FBXL20: variants seen among roughly 807,000 people sequenced by gnomAD.
FBXL20 encodes the protein F-box and leucine rich repeat protein 20.
In FBXL20, 11 loss-of-function variants were observed where a neutral mutation model predicts 64.0. That is an observed-to-expected ratio of 0.17 (90% confidence interval 0.11 to 0.28). The LOEUF (loss-of-function observed/expected upper bound fraction) is 0.28. FBXL20 is among the 10% of genes least tolerant of loss of function. The probability of loss-of-function intolerance (pLI) is 1.00; values close to 1 mark genes in which losing one functional copy is unlikely to be tolerated. For synonymous variants in FBXL20, 184 were observed against 189.0 expected (o/e 0.97, Z 0.22); for missense variants, 303 against 526.2 (o/e 0.58, Z 4.15).
At chr17:39,342,975 G>A (rs1460298270) in intron 2 of FBXL20, among the ~76,000 whole-genome samples, 1 of 152,064 alleles carries the variant, frequency 6.6e-6, no homozygotes, top group East Asian at 1.9e-4. Flanking sequence ...AGTACAAGTT[G>A]GAATGGAAAA....
chr17:39,336,470 T>C (rs2047522909), intron 2 of FBXL20, among the ~76,000 whole-genome samples: 1 of 152,174 alleles, frequency 6.6e-6, no homozygotes, highest in Admixed American at 6.5e-5. Flanking sequence ...CATGAGTCTA[T>C]ACTACACTAA....
chr17:39,370,684 A>T (rs1009598399), intron 1 of FBXL20, among the ~76,000 whole-genome samples: 1 of 147,918 alleles, frequency 6.8e-6, no homozygotes, highest in African/African-American at 2.5e-5. Context: ...AGTCCCAGCT[A>T]CTCGGGAGGC....
intron 1 of FBXL20, among the ~76,000 whole-genome samples, chr17:39,348,046 C>G (rs2047650969): frequency 6.7e-6 from 1 of 150,352 alleles, no homozygotes; most frequent in Non-Finnish European, 1.5e-5. Context: ...TCTTTCAAAA[C>G]TAAACCATTA....
chr17:39,284,537 C>A (rs148388977), intron 7 of FBXL20, among the ~76,000 whole-genome samples: 4 of 152,022 alleles, frequency 2.6e-5, no homozygotes, highest in African/African-American at 9.7e-5. Context: ...TATGCCACCA[C>A]GCCTGGCAAA....
chr17:39,383,032 G>T (rs1034806733), intron 1 of FBXL20, among the ~76,000 whole-genome samples: 7 of 150,844 alleles, frequency 4.6e-5, no homozygotes, highest in African/African-American at 1.7e-4. Flanking sequence ...GCATGGTGGC[G>T]TGCACCTGTA....
chr17:39,290,597 G>T (rs895518289), intron 6 of FBXL20, among the ~76,000 whole-genome samples: 1 of 152,100 alleles, frequency 6.6e-6, no homozygotes, highest in Admixed American at 6.6e-5. Context: ...CAGGGCTTCA[G>T]TCTTTCACCC....
chr17:39,293,511 C>G (rs191073615), intron 6 of FBXL20, among the ~76,000 whole-genome samples: 55 of 152,198 alleles, frequency 3.6e-4, no homozygotes, highest in Admixed American at 1.3e-3. Context: ...GCGTGAGCCA[C>G]CATGCCCGGC....
Position 39,401,387 on chromosome 17 carries a change from T to C in FBXL20, c.16A>G (p.Asn6Asp). 6.2e-7 allele frequency: 1 copy of C among 1,611,538 alleles called. No individual in the cohort carries two copies. The highest frequency in any genetic ancestry group is 8.5e-7 in the Non-Finnish European group (1 of 1,178,992). The change falls in exon 1 of 15, where the codon AAC becomes GAC. Residue 6 changes from asparagine to aspartate, a missense_variant. Asn to Asp is a conservative substitution (Grantham distance 23, BLOSUM62 1). Transcript: ENST00000264658. ...TCAAACCTGCTCTTGGTCACTCCGT[T>C]CACGTCCCTCCTCATGGGGCCGGCG... MRRDV[N>D]GVTKSRFEMF...
chr17:39,273,302 CA>C (rs2046863074), intron 10 of FBXL20, among the ~76,000 whole-genome samples: 1 of 152,112 alleles, frequency 6.6e-6, no homozygotes, highest in Non-Finnish European at 1.5e-5. Context: ...AGGTGTGAGC[CA>C]CTGCGCCTGG....
chr17:39,363,967 G>A (rs1464465791), intron 1 of FBXL20, among the ~76,000 whole-genome samples: 1 of 138,738 alleles, frequency 7.2e-6, no homozygotes, highest in Non-Finnish European at 1.5e-5. Context: ...TCAGCTCGCT[G>A]CAACTTCCAC....
At chr17:39,340,296 C>T (rs1294591871) in intron 2 of FBXL20, among the ~76,000 whole-genome samples, 1 of 152,198 alleles carries the variant, frequency 6.6e-6, no homozygotes, top group African/African-American at 2.4e-5. Context: ...GGGGTTTCAC[C>T]ATGTTGGCCA....
In FBXL20 at chr17:39,254,750, C is replaced by G. The variant is rs577339945; in HGVS notation, c.*6710G>C. ...GTACCCCAATTCTAGAGCTAATTAT[C>G]TGCTTTATTTGAAACTTGTCTATCA... is the stretch of plus-strand genomic sequence containing the variant. On this transcript the variant is annotated 3_prime_UTR_variant, in exon 15 of 15. Coordinates refer to ENST00000264658, the MANE Select transcript of FBXL20 (RefSeq NM_032875.3). 9.1e-5 allele frequency: 14 copies of G among 154,630 alleles called. No individual in the cohort carries two copies. Among genetic ancestry groups the G allele is most frequent in the Admixed American group, 2.6e-4 (4 of 15,302 alleles). The allele number at this position is 154,630 out of a possible 1,614,324, so 9.6% of individuals were successfully genotyped here.
chr17:39,268,793 T>C (rs375588139), intron 12 of FBXL20, 34 bp downstream of exon 12: 42 of 1,578,168 alleles, frequency 2.7e-5, no homozygotes, highest in Non-Finnish European at 3.5e-5. Context: ...GTGTCTACTA[T>C]ACTGTATTTC....
intron 9 of FBXL20, among the ~76,000 whole-genome samples, chr17:39,277,405 G>GT (rs2046908211): frequency 6.6e-6 from 1 of 152,164 alleles, no homozygotes; most frequent in Non-Finnish European, 1.5e-5. Context: ...CCTTTCCTTT[G>GT]TATGTTATAA....
At chr17:39,308,119 TCA>T in intron 2 of FBXL20, among the ~76,000 whole-genome samples, 1 of 151,312 alleles carries the variant, frequency 6.6e-6, no homozygotes. Flanking sequence ...AGGTGGAGGA[TCA>T]CTTGCGGCCA....
chr17:39,307,796 C>T (rs924921647), intron 2 of FBXL20, among the ~76,000 whole-genome samples: 1 of 151,488 alleles, frequency 6.6e-6, no homozygotes, highest in African/African-American at 2.4e-5. Context: ...CATGGTGAAA[C>T]TCTGTCTCTA....
At chr17:39,334,101 G>A (rs2144547965) in intron 2 of FBXL20, among the ~76,000 whole-genome samples, 1 of 152,304 alleles carries the variant, frequency 6.6e-6, no homozygotes, top group South Asian at 2.1e-4. Context: ...GTAGACATAG[G>A]AGACTCCATT....
At chr17:39,314,795 CTTTTTTTT>C (rs59955109) in intron 2 of FBXL20, among the ~76,000 whole-genome samples, 9 of 125,960 alleles carry the variant, frequency 7.1e-5, no homozygotes, top group African/African-American at 2.2e-4. Context: ...ATATCCTTTT[CTTTTTTTT>C]TTTTTTTTTT....
chr17:39,338,589 ATGT>A (rs2047552093), intron 2 of FBXL20, among the ~76,000 whole-genome samples: 1 of 152,226 alleles, frequency 6.6e-6, no homozygotes, highest in Non-Finnish European at 1.5e-5. Flanking sequence ...TGTAGTCTCA[ATGT>A]AGTTCTAGCC....
Sources: gnomAD v4.1 joint callset for allele counts (sites outside exome capture counted in the v4.1 genomes callset) on GRCh38, gnomAD v4.1.1 for gene constraint, MANE v1.5 for transcripts, NCBI Gene and HGNC (gene_info 2026-07-23, HGNC 2026-07-21) for gene names.